Variants in RPN1 observed in about 807,000 individuals in gnomAD.
RPN1 encodes the protein ribophorin I.
A neutral mutation model predicts 55.5 loss-of-function variants in RPN1; 12 were observed. The observed-to-expected ratio is 0.22, with a 90% CI of 0.14 to 0.35. The LOEUF is 0.35. Ranked by LOEUF, RPN1 falls within the 10% of genes least tolerant of loss-of-function variation. The pLI, the probability that RPN1 is intolerant of heterozygous loss-of-function variation, is 1.00. For missense variants in RPN1, 679 were observed against 761.3 expected, an observed-to-expected ratio of 0.89 and a Z score of 1.27; for synonymous variants, 317 against 305.9, an observed-to-expected ratio of 1.04 and a Z score of -0.38.
intron 2 of RPN1, among the ~76,000 whole-genome samples, chr3:128,643,036 A>G (rs2069738010): frequency 6.6e-6 from 1 of 150,876 alleles, no homozygotes; most frequent in Admixed American, 6.6e-5. Context: ...AAAAGAAAAA[A>G]GAAAAAAGGG....
At chr3:128,636,423 T>C (rs544741429) in intron 3 of RPN1, among the ~76,000 whole-genome samples, 1 of 150,792 alleles carries the variant, frequency 6.6e-6, no homozygotes, top group Non-Finnish European at 1.5e-5. Context: ...ATCGCCCCAC[T>C]GCACTCCAGT....
intron 8 of RPN1, 119 bp downstream of exon 8, chr3:128,625,415 A>G: frequency 6.8e-7 from 1 of 1,479,846 alleles, no homozygotes; most frequent in South Asian, 1.2e-5. Flanking sequence ...GGATGAGCAC[A>G]GGCAGGGGTC....
Position 128,644,948 on chromosome 3 carries a change from T to C in RPN1, c.297A>G (p.Glu99=). Residue 99 remains glutamate, a synonymous_variant, in exon 2 of 10, where the codon GAA becomes GAG. Transcript: ENST00000296255. The part of the protein sequence containing the change: ...KGEDEEENNL[E]VRETKIKGKS... ...TACCCTTAATTTTGGTTTCACGTAC[T>C]TCCAAATTGTTCTCTTCCTCATCTT... 1 of 1,576,860 alleles carries C rather than the reference T, an allele frequency of 6.3e-7. No homozygotes were observed. Among genetic ancestry groups the C allele is most frequent in the Non-Finnish European group, 8.7e-7 (1 of 1,146,034 alleles).
chr3:128,639,471 AAAAT>A (rs1381600570), intron 2 of RPN1, among the ~76,000 whole-genome samples: 1 of 152,156 alleles, frequency 6.6e-6, no homozygotes, highest in African/African-American at 2.4e-5. Flanking sequence ...AAAAAAAAAA[AAAAT>A]GAATGAATGT....
chr3:128,634,329 G>GAAA (rs77524482), intron 3 of RPN1, among the ~76,000 whole-genome samples: 1 of 133,948 alleles, frequency 7.5e-6, no homozygotes, highest in Non-Finnish European at 1.6e-5. Flanking sequence ...CTGTCTTAAG[G>GAAA]AAAAAAAAAA....
At chr3:128,634,143 T>A (rs963414291) in intron 3 of RPN1, among the ~76,000 whole-genome samples, 1 of 151,988 alleles carries the variant, frequency 6.6e-6, no homozygotes. Context: ...CTGGCCAACA[T>A]GGTGAAACCC....
chr3:128,635,962 ATT>A (rs1005114712), intron 3 of RPN1, among the ~76,000 whole-genome samples: 1 of 151,906 alleles, frequency 6.6e-6, no homozygotes, highest in East Asian at 1.9e-4. Context: ...GTTATATATG[ATT>A]TTGTTACACA....
In RPN1 at chr3:128,620,253, T is replaced by C; in HGVS notation, c.*158A>G. 1 of 455,134 alleles carries C rather than the reference T, an allele frequency of 2.2e-6. No individual in the cohort carries two copies. The highest frequency in any genetic ancestry group is 3.7e-6 in the Non-Finnish European group (1 of 272,188). 28.2% of individuals were successfully genotyped at this position (455,134 alleles called of 1,614,324 possible). A position where few individuals can be genotyped will look rare whatever the true frequency, so the allele number is the denominator to read the frequency against. ...AGAAAGTTAAGGACAAACGGCAAAC[T>C]CACACTGCCTGACGCAGGGCCTGGT... On this transcript the variant is annotated 3_prime_UTR_variant, in exon 10 of 10. Transcript: ENST00000296255.
intron 4 of RPN1, 138 bp from the exon 5 acceptor site, chr3:128,630,281 T>TA: frequency 1.9e-6 from 1 of 523,114 alleles, no homozygotes; most frequent in Non-Finnish European, 3.3e-6. Context: ...ATAAACAACC[T>TA]AAAAAAGTCT....
chr3:128,624,050 G>A (rs908873858), intron 8 of RPN1, among the ~76,000 whole-genome samples: 2 of 149,826 alleles, frequency 1.3e-5, no homozygotes, highest in Admixed American at 6.7e-5. Flanking sequence ...CCGCCCCCCC[G>A]CATCTCCGAC....
chr3:128,622,030 A>C, intron 9 of RPN1, 134 bp downstream of exon 9: 1 of 877,816 alleles, frequency 1.1e-6, no homozygotes, highest in Non-Finnish European at 1.7e-6. Context: ...CACCACATGA[A>C]AAGTTATGGC....
Position 128,650,535 on chromosome 3 carries a change from C to G in RPN1, c.261+5G>C, listed in dbSNP as rs765743525. ...GAGCGGCGGCGAGGGGTCGCCCACACTCACCTGCACGCCCAGGTGCGCCAG... is the reference window on the plus strand; with the variant it reads ...GAGCGGCGGCGAGGGGTCGCCCACAGTCACCTGCACGCCCAGGTGCGCCAG... On this transcript the variant is annotated splice_donor_5th_base_variant and intron_variant, in intron 1 of 9. Coordinates refer to ENST00000296255, the MANE Select transcript of RPN1 (RefSeq NM_002950.4). 6.5e-7 allele frequency: 1 copy of G among 1,535,468 alleles called. No homozygotes were observed. Among genetic ancestry groups the G allele is most frequent in the South Asian group, 1.2e-5 (1 of 83,616 alleles).
chr3:128,631,601 G>GCT (rs2069642531), intron 4 of RPN1, among the ~76,000 whole-genome samples: 1 of 152,110 alleles, frequency 6.6e-6, no homozygotes, highest in Admixed American at 6.6e-5. Context: ...AATTAGCCAG[G>GCT]TGTAGTGGTG....
chr3:128,630,622 A>G (rs184580106), intron 4 of RPN1, among the ~76,000 whole-genome samples: 1 of 152,328 alleles, frequency 6.6e-6, no homozygotes, highest in East Asian at 1.9e-4. Flanking sequence ...CCCTTCTATC[A>G]TACATAAGTA....
chr3:128,646,589 G>C (rs1231880722), intron 1 of RPN1, among the ~76,000 whole-genome samples: 1 of 152,062 alleles, frequency 6.6e-6, no homozygotes, highest in Non-Finnish European at 1.5e-5. Context: ...GGGAGGCTGA[G>C]GCAGGAGAAT....
intron 2 of RPN1, among the ~76,000 whole-genome samples, chr3:128,643,172 C>T (rs924915262): frequency 6.8e-6 from 1 of 146,432 alleles, no homozygotes; most frequent in Non-Finnish European, 1.5e-5. Context: ...ACTAAAAATA[C>T]AAAAAGTAGC....
intron 8 of RPN1, among the ~76,000 whole-genome samples, chr3:128,622,648 A>G (rs767585548): frequency 1.3e-5 from 2 of 152,126 alleles, no homozygotes; most frequent in Non-Finnish European, 2.9e-5. Flanking sequence ...TAATCCCAGC[A>G]CTTTGGGAGG....
chr3:128,628,960 TA>T (rs1294589129), intron 5 of RPN1, among the ~76,000 whole-genome samples: 4 of 152,050 alleles, frequency 2.6e-5, no homozygotes, highest in African/African-American at 9.7e-5. Flanking sequence ...CAGATGTAGG[TA>T]TTAACTGCAG....
chr3:128,650,634 G>A lies in RPN1; in HGVS notation c.167C>T (p.Ala56Val), dbSNP rs2069811586. Residue 56 changes from alanine (A) to valine (V), a missense_variant, in exon 1 of 10, where the codon GCG becomes GTG. Coordinates refer to ENST00000296255, the MANE Select transcript of RPN1 (RefSeq NM_002950.4). ...LAKVTAEVVL[A>V]HLGGGSTSRA... ...GGACGTGGAGCCGCCGCCCAGGTGC[G>A]CCAGGACCACCTCGGCCGTCACCTT... The A allele has an allele frequency of 8.4e-6, 13 of 1,555,538 alleles. No homozygotes were observed. Among genetic ancestry groups the A allele is most frequent in the Non-Finnish European group, 1.1e-5 (13 of 1,149,600 alleles).
Sources: allele counts gnomAD v4.1 joint callset (sites outside exome capture counted in the v4.1 genomes callset), GRCh38; gene constraint gnomAD v4.1.1; transcripts MANE v1.5; gene names NCBI Gene and HGNC (gene_info 2026-07-23, HGNC 2026-07-21).